The following CFAP95 variants were observed in gnomAD, a reference collection of about 807,000 sequenced individuals.
CFAP95 encodes the protein cilia and flagella associated protein 95.
At chr9:69,832,619 G>GTTTTTTTTTTT in the CFAP95 span, among the ~76,000 whole-genome samples, 1 of 14,110 alleles carries the variant, frequency 7.1e-5, no homozygotes, top group Non-Finnish European at 1.4e-4. Flanking sequence ...AGTCTATTCG[G>GTTTTTTTTTTT]ATTTTTTTTT....
chr9:69,891,500 CTT>C, the CFAP95 span, among the ~76,000 whole-genome samples: 94 of 146,092 alleles, frequency 6.4e-4, no homozygotes, highest in East Asian at 1.2e-3. Context: ...CTATATTCTT[CTT>C]TTTTTTTTTT....
chr9:69,842,275 A>C, the CFAP95 span, among the ~76,000 whole-genome samples: 1 of 152,132 alleles, frequency 6.6e-6, no homozygotes, highest in Non-Finnish European at 1.5e-5. Flanking sequence ...TGGATCTGTA[A>C]GGGAAGACCA....
chr9:69,861,563 G>C, the CFAP95 span, among the ~76,000 whole-genome samples: 1 of 152,016 alleles, frequency 6.6e-6, no homozygotes, highest in African/African-American at 2.4e-5. Context: ...AGTTGGGGAA[G>C]AGCTTTGGAG....
chr9:69,871,738 G>A, the CFAP95 span, among the ~76,000 whole-genome samples: 1 of 152,144 alleles, frequency 6.6e-6, no homozygotes, highest in Admixed American at 6.6e-5. Flanking sequence ...CATCAGATAA[G>A]CATGTGGATA....
At chr9:69,866,974 T>C in the CFAP95 span, among the ~76,000 whole-genome samples, 1 of 152,188 alleles carries the variant, frequency 6.6e-6, no homozygotes, top group East Asian at 1.9e-4. Context: ...GCTTACTAGT[T>C]GGCAAGTTTG....
At chr9:69,870,856 G>T in the CFAP95 span, among the ~76,000 whole-genome samples, 1 of 152,194 alleles carries the variant, frequency 6.6e-6, no homozygotes. Context: ...GAGTCATGAA[G>T]TCTGAGTTGG....
chr9:69,871,114 A>G, the CFAP95 span, among the ~76,000 whole-genome samples: 1 of 152,124 alleles, frequency 6.6e-6, no homozygotes, highest in African/African-American at 2.4e-5. Context: ...GCTACTTGGG[A>G]GGCTGAGGCA....
the CFAP95 span, among the ~76,000 whole-genome samples, chr9:69,826,631 A>G: frequency 0.022 from 3,373 of 152,288 alleles, 64 homozygotes; most frequent in Middle Eastern, 0.034. Flanking sequence ...TCAAAAGCTT[A>G]TTAACTCTTA....
the CFAP95 span, among the ~76,000 whole-genome samples, chr9:69,825,383 A>T: frequency 6.6e-5 from 10 of 152,180 alleles, no homozygotes; most frequent in African/African-American, 2.2e-4. Context: ...TGACCTCATT[A>T]CTCATATTAA....
the CFAP95 span, among the ~76,000 whole-genome samples, chr9:69,838,942 AAGGGTT>A: frequency 9.1e-4 from 2 of 2,208 alleles, no homozygotes; most frequent in Non-Finnish European, 0.01. Flanking sequence ...TGTAGCATGA[AAGGGTT>A]GTTGAATTTT....
the CFAP95 span, among the ~76,000 whole-genome samples, chr9:69,852,794 C>T: frequency 4.6e-5 from 7 of 152,156 alleles, 1 homozygote; most frequent in South Asian, 4.1e-4. Context: ...ATAATGGTGG[C>T]GGGTCTTTCC....
chr9:69,860,752 CT>C, the CFAP95 span, among the ~76,000 whole-genome samples: 1 of 151,824 alleles, frequency 6.6e-6, no homozygotes, highest in African/African-American at 2.4e-5. Context: ...ACTTTTAAAA[CT>C]TTTTTCTTAA....
the CFAP95 span, among the ~76,000 whole-genome samples, chr9:69,851,434 C>A: frequency 6.6e-6 from 1 of 152,070 alleles, no homozygotes; most frequent in East Asian, 1.9e-4. Flanking sequence ...AGAGTTAAAG[C>A]TTTTCTCTTC....
chr9:69,830,755 C>A, the CFAP95 span, among the ~76,000 whole-genome samples: 10 of 152,154 alleles, frequency 6.6e-5, no homozygotes, highest in Admixed American at 5.9e-4. Flanking sequence ...TCAAGTGATT[C>A]TCCTGCCCCA....
the CFAP95 span, among the ~76,000 whole-genome samples, chr9:69,854,813 G>C: frequency 6.6e-6 from 1 of 152,124 alleles, no homozygotes; most frequent in Non-Finnish European, 1.5e-5. Flanking sequence ...GCAGTGGCTG[G>C]GTTTCTGTTA....
the CFAP95 span, among the ~76,000 whole-genome samples, chr9:69,836,710 T>C: frequency 4.7e-5 from 7 of 148,566 alleles, no homozygotes; most frequent in Non-Finnish European, 9.0e-5. Context: ...TTTTTTACAT[T>C]TTATTTATTT....
the CFAP95 span, among the ~76,000 whole-genome samples, chr9:69,869,812 T>C: frequency 6.6e-6 from 1 of 152,114 alleles, no homozygotes; most frequent in Non-Finnish European, 1.5e-5. Flanking sequence ...TATTTAAGCC[T>C]GACATTTCCT....
chr9:69,844,722 T>C, the CFAP95 span: 5 of 797,784 alleles, frequency 6.3e-6, no homozygotes, highest in Non-Finnish European at 7.9e-6. Context: ...GCACCATCCC[T>C]CGTTAACTGT....
the CFAP95 span, among the ~76,000 whole-genome samples, chr9:69,893,747 TTAAC>T: frequency 6.6e-6 from 1 of 152,230 alleles, no homozygotes; most frequent in Non-Finnish European, 1.5e-5. Context: ...AGGCTGAAAT[TTAAC>T]TAAGTTCCAG....
Sources: allele counts gnomAD v4.1 joint callset (sites outside exome capture counted in the v4.1 genomes callset), GRCh38; gene constraint gnomAD v4.1.1; transcripts MANE v1.5; gene names NCBI Gene and HGNC (gene_info 2026-07-23, HGNC 2026-07-21).